The following KCNG3 variants were observed in gnomAD, a reference collection of about 807,000 sequenced individuals.
The protein encoded by KCNG3 is voltage-gated potassium channel regulatory subunit KCNG3.
A neutral mutation model predicts 29.0 loss-of-function variants in KCNG3; 15 were observed. The observed-to-expected ratio is 0.52, with a 90% CI of 0.35 to 0.80. The LOEUF is 0.80. Ranked by LOEUF, KCNG3 falls within the 30% of genes least tolerant of loss-of-function variation. The pLI, the probability that KCNG3 is intolerant of heterozygous loss-of-function variation, is 0.01. For missense variants in KCNG3, 512 were observed against 605.7 expected (o/e 0.85, Z 1.62); for synonymous variants, 322 against 248.9 (o/e 1.29, Z -2.76).
At chr2:42,406,224 ATT>A in the KCNG3 span, among the ~76,000 whole-genome samples, 1 of 145,720 alleles carries the variant, frequency 6.9e-6, no homozygotes, top group African/African-American at 2.5e-5. Context: ...TAACACATTA[ATT>A]TTTTTTTTTT....
chr2:42,472,661 G>A (rs556440745), intron 1 of KCNG3, among the ~76,000 whole-genome samples: 16 of 151,660 alleles, frequency 1.1e-4, no homozygotes, highest in African/African-American at 3.9e-4. Context: ...AACATACCCG[G>A]CTAATTTTTG....
chr2:42,461,129 C>A (rs1296629463), intron 1 of KCNG3, among the ~76,000 whole-genome samples: 1 of 144,362 alleles, frequency 6.9e-6, no homozygotes, highest in Non-Finnish European at 1.5e-5. Flanking sequence ...CCACTGCACT[C>A]CAGCCTGGGT....
At chr2:42,465,285 T>C (rs896842544) in intron 1 of KCNG3, among the ~76,000 whole-genome samples, 27 of 152,036 alleles carry the variant, frequency 1.8e-4, no homozygotes, top group African/African-American at 6.3e-4. Flanking sequence ...GGCACGATCA[T>C]GGCTCACTGC....
At chr2:42,471,796 A>C (rs1673295202) in intron 1 of KCNG3, among the ~76,000 whole-genome samples, 1 of 151,660 alleles carries the variant, frequency 6.6e-6, no homozygotes, top group African/African-American at 2.4e-5. Flanking sequence ...AGGCAGGAGA[A>C]CTGCTCTAGC....
intron 1 of KCNG3, among the ~76,000 whole-genome samples, chr2:42,461,596 C>A (rs1026983465): frequency 2.6e-5 from 4 of 152,134 alleles, no homozygotes; most frequent in Non-Finnish European, 5.9e-5. Flanking sequence ...ACCTGTGGTC[C>A]CCGGCCCCAC....
At chr2:42,440,637 A>C (rs185360084), downstream of KCNG3, among the ~76,000 whole-genome samples, 3 of 152,310 alleles carry the variant, frequency 2.0e-5, no homozygotes, top group Admixed American at 1.3e-4. Flanking sequence ...AATAATTTTG[A>C]CTTATTGACA....
chr2:42,469,984 T>C (rs1241236745), intron 1 of KCNG3: 6 of 476,062 alleles, frequency 1.3e-5, no homozygotes, highest in East Asian at 3.8e-5. Flanking sequence ...GAGAGACACA[T>C]GGTGTTGCAC....
At chr2:42,447,687 TTTC>T (rs1433467039) in intron 1 of KCNG3, among the ~76,000 whole-genome samples, 193 of 151,988 alleles carry the variant, frequency 1.3e-3, no homozygotes, top group African/African-American at 4.4e-3. Flanking sequence ...GTTAATTTTT[TTTC>T]TTTTTTTTTC....
At chr2:42,404,260 T>C in the KCNG3 span, among the ~76,000 whole-genome samples, 2 of 151,850 alleles carry the variant, frequency 1.3e-5, no homozygotes, top group African/African-American at 2.4e-5. Flanking sequence ...TGGCACAGAA[T>C]TGTTGATAGT....
the KCNG3 span, among the ~76,000 whole-genome samples, chr2:42,393,536 G>A: frequency 6.6e-6 from 1 of 151,722 alleles, no homozygotes; most frequent in African/African-American, 2.4e-5. Context: ...ACTCCAGCCT[G>A]GGCAATAGAG....
At chr2:42,477,388 TACAC>T (rs1210808896) in intron 1 of KCNG3, among the ~76,000 whole-genome samples, 1,058 of 104,784 alleles carry the variant, frequency 0.01, 30 homozygotes, top group African/African-American at 0.033. Context: ...CACATATATA[TACAC>T]ACACACACAC....
intron 1 of KCNG3, among the ~76,000 whole-genome samples, chr2:42,485,579 G>A (rs552750480): frequency 2.6e-5 from 4 of 152,062 alleles, no homozygotes; most frequent in East Asian, 3.9e-4. Context: ...CGAGTAGCTC[G>A]GACTACAGGC....
At chr2:42,413,473 GAT>G in the KCNG3 span, among the ~76,000 whole-genome samples, 2 of 151,976 alleles carry the variant, frequency 1.3e-5, no homozygotes, top group South Asian at 4.1e-4. Flanking sequence ...CTACCAGACT[GAT>G]AAAATTTTCT....
chr2:42,467,970 CAAA>C (rs1290947746), intron 1 of KCNG3, among the ~76,000 whole-genome samples: 4 of 90,680 alleles, frequency 4.4e-5, no homozygotes, highest in African/African-American at 8.3e-5. Flanking sequence ...GACCCTGTCT[CAAA>C]AAAAAAAAAA....
chr2:42,456,752 C>T (rs964599457), intron 1 of KCNG3, among the ~76,000 whole-genome samples: 1 of 152,164 alleles, frequency 6.6e-6, no homozygotes, highest in African/African-American at 2.4e-5. Context: ...TACTCCAAGC[C>T]TTCAGATTTA....
chr2:42,493,516 G>A lies in KCNG3; in HGVS notation c.-15C>T. On this transcript the variant is annotated 5_prime_UTR_variant, in exon 1 of 2. Transcript: ENST00000306078. ...CCGAAGGTCATGGCTGGCCGCCCGG[G>A]GGACTTTCGGCCCGAGGGCCCCGCT... 1 of 1,353,276 alleles carries A rather than the reference G, an allele frequency of 7.4e-7. No homozygotes were observed. The highest frequency in any genetic ancestry group is 9.4e-7 in the Non-Finnish European group (1 of 1,060,436). 83.8% of individuals were successfully genotyped at this position (1,353,276 alleles called of 1,614,324 possible).
chr2:42,440,117 C>G (rs17029721), downstream of KCNG3, among the ~76,000 whole-genome samples: 5,124 of 152,230 alleles, frequency 0.034, 268 homozygotes, highest in African/African-American at 0.1. Flanking sequence ...TCCCTGGTTG[C>G]TAATATTTGG....
In KCNG3 at chr2:42,444,701, G is replaced by A. The variant is rs1315811748; in HGVS notation, c.666-122C>T. On this transcript the variant is annotated intron_variant, in intron 1 of 1. Transcript: ENST00000306078. This position sits in a 1 kb window ranked among gnomAD's most constrained non-coding sequence, Gnocchi z 5.8. Reference sequence around the variant, plus strand: ...CAGTTACTTTTCCAGAAAACATAAAGAACAGACAACATTAGCAACATCATC... The same window carrying A: ...CAGTTACTTTTCCAGAAAACATAAAAAACAGACAACATTAGCAACATCATC... The A allele has an allele frequency of 1.1e-5, 10 of 873,426 alleles. No individual in the cohort carries two copies. The East Asian group carries it at 2.6e-4, about 22-fold the overall frequency. The allele number at this position is 873,426 out of a possible 1,614,324, so 54.1% of individuals were successfully genotyped here.
chr2:42,488,087 TC>T (rs1232420566), intron 1 of KCNG3, among the ~76,000 whole-genome samples: 1 of 152,202 alleles, frequency 6.6e-6, no homozygotes, highest in Non-Finnish European at 1.5e-5. Context: ...TTTGGTTACA[TC>T]TAGGGAAAAG....
Sources: gnomAD v4.1 joint callset for allele counts (sites outside exome capture counted in the v4.1 genomes callset) on GRCh38, gnomAD v4.1.1 for gene constraint, Gnocchi (gnomAD v3.1) non-coding constraint, MANE v1.5 for transcripts, NCBI Gene and HGNC (gene_info 2026-07-23, HGNC 2026-07-21) for gene names.